The following APIP variants were observed in gnomAD, a reference collection of about 807,000 sequenced individuals.
The protein encoded by APIP is APAF1 interacting protein.
In APIP, 32 loss-of-function variants were observed where a neutral mutation model predicts 32.0. That is an observed-to-expected ratio of 1.00 (90% CI 0.76 to 1.34). APIP has a LOEUF of 1.34. Ranked by LOEUF, APIP falls within the 40% of genes most tolerant of loss-of-function variation. The pLI is 0.00. For synonymous variants in APIP, 92 were observed against 94.8 expected, an observed-to-expected ratio of 0.97 and a Z score of 0.17; for missense variants, 247 against 298.6, an observed-to-expected ratio of 0.83 and a Z score of 1.27.
intron 5 of APIP, among the ~76,000 whole-genome samples, chr11:34,884,659 A>C (rs1590700930): frequency 6.6e-6 from 1 of 151,980 alleles, no homozygotes; most frequent in South Asian, 2.1e-4. Flanking sequence ...TGGGAGGCGG[A>C]GGTTGCATAA....
At chr11:34,885,522 C>G (rs755094335) in intron 5 of APIP, among the ~76,000 whole-genome samples, 9 of 152,002 alleles carry the variant, frequency 5.9e-5, no homozygotes, top group African/African-American at 9.7e-5. Flanking sequence ...GGGCCCCGAG[C>G]TGTACACAGC....
At position 34,894,604 on chromosome 11, in the gene APIP, G is replaced by A. The variant is rs140532883; in HGVS notation, c.158+406C>T. Reference sequence around the variant, plus strand: ...GTCAAGGCTGCAGTGAGCCATGATCGCCCCACTGCACTCCAGCCTGGGTGA... The same window carrying A: ...GTCAAGGCTGCAGTGAGCCATGATCACCCCACTGCACTCCAGCCTGGGTGA... On this transcript the variant is annotated intron_variant, in intron 2 of 6. Transcript: ENST00000395787. 1.7e-3 allele frequency among the ~76,000 whole-genome samples: 257 copies of A among 152,072 alleles called. 2 individuals are homozygous for A. The highest frequency in any genetic ancestry group is 3.3e-3 in the East Asian group (17 of 5,184).
Position 34,916,288 on chromosome 11 carries a change from C to T in APIP, c.-4G>A. ...CCCGAGCATCACAGCCAGACATGGC[C>T]CAGACCAGGGACCCGCGCGGCCTCC... On this transcript the variant is annotated 5_prime_UTR_variant, in exon 1 of 7. Transcript: ENST00000395787. 6.2e-7 allele frequency: 1 copy of T among 1,612,144 alleles called. No individual in the cohort carries two copies. Among genetic ancestry groups the T allele is most frequent in the Non-Finnish European group, 8.5e-7 (1 of 1,179,384 alleles).
chr11:34,902,123 G>A (rs548184696), intron 1 of APIP, among the ~76,000 whole-genome samples: 1 of 152,250 alleles, frequency 6.6e-6, no homozygotes, highest in African/African-American at 2.4e-5. Flanking sequence ...GAACTAAATG[G>A]TTTACAGTCC....
chr11:34,898,225 A>AAAATC (rs1052101650), intron 1 of APIP, among the ~76,000 whole-genome samples: 1 of 152,060 alleles, frequency 6.6e-6, no homozygotes, highest in African/African-American at 2.4e-5. Flanking sequence ...CCTCTATTTT[A>AAAATC]AAATCAAATC....
chr11:34,900,265 A>ACAGCACAGG, intron 1 of APIP, among the ~76,000 whole-genome samples: 20 of 151,252 alleles, frequency 1.3e-4, no homozygotes, highest in African/African-American at 4.4e-4. Context: ...TCCCAGAGCT[A>ACAGCACAGG]AAGTAGGTTC....
intron 1 of APIP, among the ~76,000 whole-genome samples, chr11:34,895,539 C>T (rs1465163285): frequency 6.6e-6 from 1 of 152,210 alleles, no homozygotes; most frequent in Non-Finnish European, 1.5e-5. Context: ...ACATGTTCAA[C>T]ACATACTCTG....
At chr11:34,915,386 T>C (rs536598706) in intron 1 of APIP, among the ~76,000 whole-genome samples, 1 of 152,206 alleles carries the variant, frequency 6.6e-6, no homozygotes, top group Non-Finnish European at 1.5e-5. Flanking sequence ...CAATGAAATC[T>C]CCCGCGAGTT....
At chr11:34,903,522 C>CTGT (rs1853398516) in intron 1 of APIP, among the ~76,000 whole-genome samples, 1 of 152,200 alleles carries the variant, frequency 6.6e-6, no homozygotes, top group Non-Finnish European at 1.5e-5. Context: ...TCCTTACCAC[C>CTGT]AATGGACCGC....
rs538595954 is a variant in APIP, at chr11:34,916,379, C to T, written c.-95G>A. 1.9e-6 allele frequency: 3 copies of T among 1,557,840 alleles called. No individual in the cohort carries two copies. The highest frequency in any genetic ancestry group is 2.6e-6 in the Non-Finnish European group (3 of 1,151,304). On this transcript the variant is annotated 5_prime_UTR_variant, in exon 1 of 7. Transcript: ENST00000395787. ...ACGGCAGCGAGGCCGCAAATGCAATCAGGCGGCGCTGAGGGCAGCCCGGGG... is the reference window on the plus strand; with the variant it reads ...ACGGCAGCGAGGCCGCAAATGCAATTAGGCGGCGCTGAGGGCAGCCCGGGG...
At chr11:34,913,463 C>G (rs1853591035) in intron 1 of APIP, among the ~76,000 whole-genome samples, 1 of 152,072 alleles carries the variant, frequency 6.6e-6, no homozygotes, top group African/African-American at 2.4e-5. Flanking sequence ...AGGAGTGAAG[C>G]TGCAGACTTT....
chr11:34,901,255 G>A (rs887504623), intron 1 of APIP, among the ~76,000 whole-genome samples: 1 of 152,192 alleles, frequency 6.6e-6, no homozygotes, highest in Admixed American at 6.5e-5. Flanking sequence ...TTTTAAGAAA[G>A]AATGTCCAGG....
intron 1 of APIP, among the ~76,000 whole-genome samples, chr11:34,914,788 G>A (rs1853631048): frequency 6.6e-6 from 1 of 152,106 alleles, no homozygotes; most frequent in Admixed American, 6.6e-5. Context: ...TGGATCACCT[G>A]AGATAACGAG....
chr11:34,896,742 C>T (rs942761915), intron 1 of APIP: 2 of 1,252,354 alleles, frequency 1.6e-6, no homozygotes, highest in African/African-American at 1.5e-5. Flanking sequence ...ACAACAACAA[C>T]AAAGGAAAAT....
intron 6 of APIP, 128 bp from the exon 7 acceptor site, chr11:34,882,944 A>G: frequency 1.5e-6 from 1 of 649,552 alleles, no homozygotes; most frequent in Admixed American, 3.4e-5. Flanking sequence ...TCTCAATTCT[A>G]GGCCAAAATT....
chr11:34,912,340 A>G (rs992387401), intron 1 of APIP, among the ~76,000 whole-genome samples: 4 of 152,224 alleles, frequency 2.6e-5, no homozygotes, highest in Non-Finnish European at 5.9e-5. Flanking sequence ...TGTCTATCAA[A>G]GACAGAATAA....
At chr11:34,911,122 A>G (rs1034670773) in intron 1 of APIP, among the ~76,000 whole-genome samples, 3 of 152,198 alleles carry the variant, frequency 2.0e-5, no homozygotes, top group Admixed American at 1.3e-4. Context: ...ATAGTTGAAT[A>G]TACCCAAAAA....
intron 1 of APIP, chr11:34,915,991 T>G: frequency 1.7e-6 from 1 of 590,888 alleles, no homozygotes; most frequent in Non-Finnish European, 2.9e-6. Context: ...TTTCCAACGT[T>G]TGGCGCCCAG....
At chr11:34,905,792 C>G (rs938794953) in intron 1 of APIP, among the ~76,000 whole-genome samples, 1 of 152,130 alleles carries the variant, frequency 6.6e-6, no homozygotes, top group African/African-American at 2.4e-5. Flanking sequence ...TAAAGAATAA[C>G]AGATGGGCCT....
Sources: gnomAD v4.1 joint callset for allele counts (sites outside exome capture counted in the v4.1 genomes callset) on GRCh38, gnomAD v4.1.1 for gene constraint, MANE v1.5 for transcripts, NCBI Gene and HGNC (gene_info 2026-07-23, HGNC 2026-07-21) for gene names.